BTN2A2: variants seen among roughly 807,000 people sequenced by gnomAD.
The protein encoded by BTN2A2 is butyrophilin 2.
Under a neutral mutation model 34.7 loss-of-function variants are expected in BTN2A2, and 29 were observed. The observed-to-expected ratio is 0.84, with a 90% CI of 0.62 to 1.14. BTN2A2 has a LOEUF of 1.14. Among genes scored for constraint, BTN2A2 ranks in the 50% most tolerant of loss-of-function variants. The pLI is 0.00. For missense variants in BTN2A2, 612 were observed against 651.5 expected, an observed-to-expected ratio of 0.94 and a Z score of 0.66; for synonymous variants, 240 against 253.1, an observed-to-expected ratio of 0.95 and a Z score of 0.49.
chr6:26,391,206 A>G (rs1432557488), intron 7 of BTN2A2: 2 of 369,566 alleles, frequency 5.4e-6, no homozygotes, highest in East Asian at 1.1e-4. Context: ...GGAATGGTAT[A>G]GACTGTGCAC....
intron 5 of BTN2A2, 83 bp from the exon 6 acceptor site, chr6:26,390,604 G>A (rs186704995): frequency 6.4e-7 from 1 of 1,566,094 alleles, no homozygotes; most frequent in Admixed American, 1.7e-5. Flanking sequence ...AGAAAGGATG[G>A]TTCCTACGTT....
chr6:26,390,577 G>A, intron 5 of BTN2A2, 110 bp from the exon 6 acceptor site: 1 of 1,342,480 alleles, frequency 7.4e-7, no homozygotes, highest in Non-Finnish European at 1.1e-6. Flanking sequence ...TAAACGAAGG[G>A]TGATGTTGGT....
chr6:26,388,381 G>C, intron 4 of BTN2A2, 87 bp downstream of exon 4: 1 of 1,504,356 alleles, frequency 6.6e-7, no homozygotes, highest in Non-Finnish European at 9.1e-7. Flanking sequence ...GGGGGCAGCA[G>C]TGTGGGTGGA....
intron 7 of BTN2A2, 128 bp downstream of exon 7, chr6:26,390,957 T>C: frequency 7.1e-7 from 1 of 1,413,430 alleles, no homozygotes; most frequent in Non-Finnish European, 1.0e-6. Context: ...GGTCAGTTCA[T>C]CAACGGTGTC....
At position 26,392,803 on chromosome 6, in the gene BTN2A2, A is replaced by C; in HGVS notation, c.1408A>C (p.Thr470Pro). The C allele has an allele frequency of 6.2e-7, 1 of 1,614,204 alleles. No homozygotes were observed. The highest frequency in any genetic ancestry group is 8.5e-7 in the Non-Finnish European group (1 of 1,180,024). The change falls in exon 8 of 8, where the codon ACA (threonine) becomes CCA (proline). Residue 470 changes from threonine (T) to proline (P), a missense_variant. Coordinates refer to ENST00000356709, the MANE Select transcript of BTN2A2 (RefSeq NM_006995.5). ...CATGAGGGACAGATCGCACATCTAC[A>C]CATGTCCCCGTTCAGCCTTTACTGT... ...YNMRDRSHIY[T>P]CPRSAFTVPV...
chr6:26,383,575 G>A lies in BTN2A2; in HGVS notation c.-30-217G>A. The A allele has an allele frequency of 1.2e-5, 6 of 489,338 alleles. No individual in the cohort carries two copies. Among genetic ancestry groups the A allele is most frequent in the Non-Finnish European group, 2.2e-5 (6 of 274,720 alleles). 30.3% of individuals were successfully genotyped at this position (489,338 alleles called of 1,614,324 possible). ...GACTGTGGCCCGAGAAGTGGGAAGA[G>A]GAAGGAGGAAAACGGCCCCCTTGAT... On this transcript the variant is annotated intron_variant, in intron 1 of 7. Coordinates refer to ENST00000356709, the MANE Select transcript of BTN2A2 (RefSeq NM_006995.5). The surrounding 1 kb of genome is among the most constrained non-coding windows in gnomAD (Gnocchi z 4.4).
At position 26,392,124 on chromosome 6, in the gene BTN2A2, C is replaced by T. The variant is rs1265365138; in HGVS notation, c.980-251C>T. On this transcript the variant is annotated intron_variant, in intron 7 of 7. Coordinates refer to ENST00000356709, the MANE Select transcript of BTN2A2 (RefSeq NM_006995.5). ...GGAACCATTAATTTTGGCTCATTTC[C>T]TAAACTCTCTGGATTTCATAGAGCC... 23 of 1,226,002 alleles carry T rather than the reference C, an allele frequency of 1.9e-5. No homozygotes were observed. In the Admixed American group the frequency reaches 5.4e-4, roughly 29 times the overall value. 75.9% of individuals were successfully genotyped at this position (1,226,002 alleles called of 1,614,324 possible).
chr6:26,387,969 A>G (rs756847197), intron 3 of BTN2A2, 44 bp from the exon 4 acceptor site: 1 of 1,572,872 alleles, frequency 6.4e-7, no homozygotes, highest in South Asian at 1.2e-5. Flanking sequence ...AGTAGGGGCT[A>G]AGATACCACT....
Position 26,384,606 on chromosome 6 carries a change from G to A in BTN2A2, c.95-409G>A, listed in dbSNP as rs138730792. 1.2e-4 allele frequency among the ~76,000 whole-genome samples: 19 copies of A among 152,258 alleles called. No homozygotes were observed. The East Asian group carries it at 3.5e-3, about 28-fold the overall frequency. The stretch of plus-strand genomic sequence containing the variant: ...TTGAAATTTTAAATCTTTATAATCT[G>A]TGTGTGTTTTACACTTAGAGTTCAT... On this transcript the variant is annotated intron_variant, in intron 2 of 7. Coordinates refer to ENST00000356709, the MANE Select transcript of BTN2A2 (RefSeq NM_006995.5). This position sits in a 1 kb window ranked among gnomAD's most constrained non-coding sequence, Gnocchi z 4.0.
Position 26,392,779 on chromosome 6 carries a change from A to G in BTN2A2, c.1384A>G (p.Met462Val), listed in dbSNP as rs1761681215. 3.1e-6 allele frequency: 5 copies of G among 1,613,710 alleles called. No individual in the cohort carries two copies. The highest frequency in any genetic ancestry group is 1.1e-5 in the South Asian group (1 of 91,060). The change falls in exon 8 of 8, where the codon ATG becomes GTG. Residue 462 changes from methionine to valine, a missense_variant. By Grantham distance (21) the Met-to-Val change is conservative. Coordinates refer to ENST00000356709, the MANE Select transcript of BTN2A2 (RefSeq NM_006995.5). ...AGCTGGAGATGTCTCCTTCTACAAC[A>G]TGAGGGACAGATCGCACATCTACAC... Reference protein sequence around the residue: ...YEAGDVSFYNMRDRSHIYTCP... With the variant: ...YEAGDVSFYNVRDRSHIYTCP...
At chr6:26,386,065 A>C (rs1310403550) in intron 3 of BTN2A2, among the ~76,000 whole-genome samples, 1 of 152,210 alleles carries the variant, frequency 6.6e-6, no homozygotes, top group African/African-American at 2.4e-5. Flanking sequence ...TTTTTCGATA[A>C]ATATTAATCT....
chr6:26,392,118 C>T lies in BTN2A2; in HGVS notation c.980-257C>T, dbSNP rs1183206531. 3.6e-6 allele frequency: 4 copies of T among 1,120,850 alleles called. No individual in the cohort carries two copies. In the East Asian group the frequency reaches 1.0e-4, roughly 29 times the overall value. The allele number at this position is 1,120,850 out of a possible 1,614,324, so 69.4% of individuals were successfully genotyped here. On this transcript the variant is annotated intron_variant, in intron 7 of 7. Coordinates refer to ENST00000356709, the MANE Select transcript of BTN2A2 (RefSeq NM_006995.5). ...AAACTGGGAACCATTAATTTTGGCTCATTTCCTAAACTCTCTGGATTTCAT... is the reference window on the plus strand; with the variant it reads ...AAACTGGGAACCATTAATTTTGGCTTATTTCCTAAACTCTCTGGATTTCAT...
At chr6:26,392,318 C>G in intron 7 of BTN2A2, 57 bp from the exon 8 acceptor site, 1 of 1,613,588 alleles carries the variant, frequency 6.2e-7, no homozygotes, top group South Asian at 1.1e-5. Context: ...GACCAGGAAC[C>G]ACACAATCCC....
At position 26,393,104 on chromosome 6, in the gene BTN2A2, AC is replaced by A; in HGVS notation, c.*140del. 1 of 1,609,236 alleles carries A rather than the reference AC, an allele frequency of 6.2e-7. No individual in the cohort carries two copies. Among genetic ancestry groups the A allele is most frequent in the Non-Finnish European group, 8.5e-7 (1 of 1,177,710 alleles). On this transcript the variant is annotated 3_prime_UTR_variant, in exon 8 of 8. Coordinates refer to ENST00000356709, the MANE Select transcript of BTN2A2 (RefSeq NM_006995.5). ...AACATCTTCCAGCTGCCTTTTTCAC[AC>A]CCACTCCAGCCCTCTGCCCCAGTTT...
At chr6:26,385,409 TG>T (rs1761130531) in intron 3 of BTN2A2, 47 bp downstream of exon 3, 4 of 1,547,072 alleles carry the variant, frequency 2.6e-6, no homozygotes, top group Non-Finnish European at 3.5e-6. Context: ...GTGTGACTTT[TG>T]GGGAAAGTTT....
chr6:26,385,057 T>C lies in BTN2A2; in HGVS notation c.137T>C (p.Met46Thr), dbSNP rs1225721976. The change falls in exon 3 of 8, where the codon ATG becomes ACG. Residue 46 changes from methionine to threonine, a missense_variant. Transcript: ENST00000356709. The stretch of plus-strand genomic sequence containing the variant: ...GGGCCAGCTAATCCCATCCTGGCCA[T>C]GGTGGGAGAAAACACTACATTACGC... ...VVGPANPILA[M>T]VGENTTLRCH... is the part of the protein sequence containing the mutation. 1.9e-6 allele frequency: 3 copies of C among 1,613,788 alleles called. No homozygotes were observed. Among genetic ancestry groups the C allele is most frequent in the Non-Finnish European group, 2.5e-6 (3 of 1,179,870 alleles).
At chr6:26,391,710 G>A (rs1761588378) in intron 7 of BTN2A2, 1 of 156,212 alleles carries the variant, frequency 6.4e-6, no homozygotes, top group African/African-American at 2.4e-5. Context: ...AATCCTGGTA[G>A]ATGTCAGACT....
chr6:26,392,794 C>T lies in BTN2A2; in HGVS notation c.1399C>T (p.His467Tyr). 6.2e-7 allele frequency: 1 copy of T among 1,613,620 alleles called. No homozygotes were observed. The highest frequency in any genetic ancestry group is 1.1e-5 in the South Asian group (1 of 91,050). Residue 467 changes from histidine (H) to tyrosine (Y), a missense_variant, in exon 8 of 8, where the codon CAC becomes TAC. Coordinates refer to ENST00000356709, the MANE Select transcript of BTN2A2 (RefSeq NM_006995.5). Reference protein sequence around the residue: ...VSFYNMRDRSHIYTCPRSAFT... With the variant: ...VSFYNMRDRSYIYTCPRSAFT... ...CTTCTACAACATGAGGGACAGATCG[C>T]ACATCTACACATGTCCCCGTTCAGC... is the stretch of plus-strand genomic sequence containing the variant.
rs1171265217 is a variant in BTN2A2, at chr6:26,394,153, G to A, written c.*1186G>A. 3.5e-6 allele frequency: 2 copies of A among 574,872 alleles called. No homozygotes were observed. Among genetic ancestry groups the A allele is most frequent in the Non-Finnish European group, 6.2e-6 (2 of 322,702 alleles). The allele number at this position is 574,872 out of a possible 1,614,324, so 35.6% of individuals were successfully genotyped here. A position where few individuals can be genotyped will look rare whatever the true frequency, so the allele number is the denominator to read the frequency against. On this transcript the variant is annotated 3_prime_UTR_variant, in exon 8 of 8. Coordinates refer to ENST00000356709, the MANE Select transcript of BTN2A2 (RefSeq NM_006995.5). Reference sequence around the variant, plus strand: ...GAGAATGAGATGAAAAACGATTAATGTTTCATTATTATTATTGTGAAAATA... The same window carrying A: ...GAGAATGAGATGAAAAACGATTAATATTTCATTATTATTATTGTGAAAATA...
Sources: allele counts gnomAD v4.1 joint callset (sites outside exome capture counted in the v4.1 genomes callset), GRCh38; gene constraint gnomAD v4.1.1; non-coding constraint Gnocchi (gnomAD v3.1); transcripts MANE v1.5; gene names NCBI Gene and HGNC (gene_info 2026-07-23, HGNC 2026-07-21).